Variants in CREBBP observed in about 807,000 individuals in gnomAD.
The protein encoded by CREBBP is CREB binding lysine acetyltransferase.
A neutral mutation model predicts 265.0 loss-of-function variants in CREBBP; 19 were observed. The ratio of observed to expected loss-of-function variants is 0.07; its 90% CI spans 0.05 to 0.11. The LOEUF (loss-of-function observed/expected upper bound fraction) is 0.11. Ranked by LOEUF, CREBBP falls within the 10% of genes least tolerant of loss-of-function variation. CREBBP has a pLI of 1.00. For missense variants in CREBBP, 2,525 were observed against 3,219.0 expected, an observed-to-expected ratio of 0.78 and a Z score of 5.22; for synonymous variants, 1,457 against 1,223.7, an observed-to-expected ratio of 1.19 and a Z score of -3.98.
chr16:3,773,780 G>T lies in CREBBP; in HGVS notation c.2434C>A (p.Gln812Lys). ...GACACGCCTGTTTGGGCTGGCGGCT[G>T]CCCCATGCCCACACTCATCGCCCCG... The part of the protein sequence containing the change: ...SSGAMSVGMG[Q>K]PPAQTGVSQG... Residue 812 changes from glutamine to lysine, a missense_variant, in exon 13 of 31, where the codon CAG becomes AAG. By Grantham distance (53) the Gln-to-Lys change is moderately conservative. Around this residue, in one of 19 missense-constraint regions of CREBBP, gnomAD observed 548 missense variants for 533.0 expected, o/e 1.03. Transcript: ENST00000262367. 6.2e-7 allele frequency: 1 copy of T among 1,613,760 alleles called. No individual in the cohort carries two copies.
intron 13 of CREBBP, 128 bp downstream of exon 13, chr16:3,773,623 T>C: frequency 1.0e-6 from 1 of 968,494 alleles, no homozygotes; most frequent in Non-Finnish European, 1.5e-6. Context: ...AAAGAGAAGC[T>C]GATACAAAGA....
chr16:3,747,458 G>A (rs1489363337), intron 21 of CREBBP, among the ~76,000 whole-genome samples: 1 of 152,104 alleles, frequency 6.6e-6, no homozygotes, highest in Non-Finnish European at 1.5e-5. Context: ...TCTTGTCCAG[G>A]AAACCAGGCG....
chr16:3,758,929 T>C lies in CREBBP; in HGVS notation c.3294A>G (p.Leu1098=), dbSNP rs2052646784. The change falls in exon 17 of 31, where the codon CTA becomes CTG. Residue 1098 remains leucine, a synonymous_variant. Coordinates refer to ENST00000262367, the MANE Select transcript of CREBBP (RefSeq NM_004380.3). ...EELRQALMPT[L]EALYRQDPES... ...CTGGGTCCTGTCGATACAGTGCTTC[T>C]AGGGTTGGCATGAGGGCCTGGCGTA... is the stretch of plus-strand genomic sequence containing the variant. 1 of 1,613,058 alleles carries C rather than the reference T, an allele frequency of 6.2e-7. No homozygotes were observed.
At chr16:3,763,387 T>TG (rs2052769202) in intron 16 of CREBBP, among the ~76,000 whole-genome samples, 2 of 151,414 alleles carry the variant, frequency 1.3e-5, no homozygotes, top group African/African-American at 4.9e-5. Flanking sequence ...TCTTGAACTC[T>TG]GGGCCTCAAG....
intron 13 of CREBBP, among the ~76,000 whole-genome samples, chr16:3,772,358 C>CACACACACGT (rs2053033910): frequency 6.6e-6 from 1 of 151,478 alleles, no homozygotes; most frequent in Non-Finnish European, 1.5e-5. Context: ...CACACACACA[C>CACACACACGT]ACACACACGT....
In CREBBP at chr16:3,781,292, T is replaced by C; in HGVS notation, c.1588A>G (p.Asn530Asp). The C allele has an allele frequency of 1.9e-6, 3 of 1,613,638 alleles. No homozygotes were observed. The highest frequency in any genetic ancestry group is 2.5e-6 in the Non-Finnish European group (3 of 1,179,608). The part of the protein sequence containing the change: ...TLNPLGNNPM[N>D]IPAGGITTDQ... ...GTTGTTATTCCTCCTGCTGGAATGT[T>C]CATTGGATTATTTCCTTTAAAGACA... The change falls in exon 7 of 31, where the codon AAC (asparagine) becomes GAC (aspartate). Residue 530 changes from asparagine (N) to aspartate (D), a missense_variant. By Grantham distance (23) the Asn-to-Asp change is conservative (BLOSUM62 1). This residue lies in a region of CREBBP where 144 missense variants were observed against 134.0 expected (regional missense o/e 1.07). Transcript: ENST00000262367.
At chr16:3,829,674 G>C (rs2054304218) in intron 2 of CREBBP, among the ~76,000 whole-genome samples, 1 of 152,184 alleles carries the variant, frequency 6.6e-6, no homozygotes, top group African/African-American at 2.4e-5. Context: ...GAATCAAACT[G>C]ATCTGAGTAA....
At chr16:3,873,539 G>C (rs960904669) in intron 1 of CREBBP, among the ~76,000 whole-genome samples, 1 of 152,200 alleles carries the variant, frequency 6.6e-6, no homozygotes, top group Admixed American at 6.5e-5. Context: ...CTCCCAGTAA[G>C]TCCTAGGACT....
At chr16:3,775,003 A>G (rs2053103052) in intron 11 of CREBBP, among the ~76,000 whole-genome samples, 1 of 152,192 alleles carries the variant, frequency 6.6e-6, no homozygotes, top group Non-Finnish European at 1.5e-5. Flanking sequence ...GGTAGAGCTG[A>G]GCCAGAGGGC....
rs752976676 is a variant in CREBBP, at chr16:3,736,640, C to T, written c.4560+10G>A. The T allele has an allele frequency of 8.1e-6, 13 of 1,614,240 alleles. No homozygotes were observed. The highest frequency in any genetic ancestry group is 2.2e-5 in the East Asian group (1 of 44,882). On this transcript the variant is annotated intron_variant, in intron 27 of 30. Transcript: ENST00000262367. ...GACAAAAGCCACCACCTTCCTTCAGCGCCGGGTACCTTGTAGTCATGGATG... is the reference window on the plus strand; with the variant it reads ...GACAAAAGCCACCACCTTCCTTCAGTGCCGGGTACCTTGTAGTCATGGATG...
intron 13 of CREBBP, 146 bp from the exon 14 acceptor site, chr16:3,771,132 G>A (rs1393068185): frequency 1.1e-5 from 9 of 839,866 alleles, no homozygotes; most frequent in Admixed American, 4.1e-5. Context: ...GCAATGGTGC[G>A]ATCTCGGCTC....
At chr16:3,773,975 C>A (rs780891494) in intron 12 of CREBBP, 45 bp from the exon 13 acceptor site, 1 of 1,604,646 alleles carries the variant, frequency 6.2e-7, no homozygotes, top group Admixed American at 1.7e-5. Context: ...CGGAAGCTGA[C>A]GGCCAGAGTT....
At chr16:3,847,054 A>G (rs2054682639) in intron 2 of CREBBP, among the ~76,000 whole-genome samples, 2 of 152,244 alleles carry the variant, frequency 1.3e-5, no homozygotes, top group Non-Finnish European at 2.9e-5. Flanking sequence ...ACTAGCAAAA[A>G]GTCAGAAACA....
intron 28 of CREBBP, among the ~76,000 whole-genome samples, chr16:3,733,974 A>T (rs997399851): frequency 6.6e-6 from 1 of 152,224 alleles, no homozygotes; most frequent in Non-Finnish European, 1.5e-5. Flanking sequence ...TATAAAATAA[A>T]TATGTTCATG....
rs1189788803 is a variant in CREBBP, at chr16:3,737,106, G to A, written c.4395-291C>T. 9 of 505,136 alleles carry A rather than the reference G, an allele frequency of 1.8e-5. 1 individual carries two copies. The East Asian group carries it at 3.3e-4, about 18-fold the overall frequency. 31.3% of individuals were successfully genotyped at this position (505,136 alleles called of 1,614,324 possible). A position where few individuals can be genotyped will look rare whatever the true frequency, so the allele number is the denominator to read the frequency against. On this transcript the variant is annotated intron_variant, in intron 26 of 30. Transcript: ENST00000262367. ...CATTAAAGAACCAGGGAATATGATG[G>A]CTCATCAAGGCAATGCCATCCCCTT...
intron 28 of CREBBP, 113 bp from the exon 29 acceptor site, chr16:3,732,050 C>T: frequency 6.3e-7 from 1 of 1,586,594 alleles, no homozygotes; most frequent in African/African-American, 1.3e-5. Context: ...TAGGTCACCA[C>T]CAGGCAGACC....
At chr16:3,813,578 A>C (rs1434280759) in intron 2 of CREBBP, among the ~76,000 whole-genome samples, 1 of 152,200 alleles carries the variant, frequency 6.6e-6, no homozygotes, top group Non-Finnish European at 1.5e-5. Flanking sequence ...GAATACAACA[A>C]CACGAACAAC....
At chr16:3,854,356 G>C (rs532665655) in intron 1 of CREBBP, among the ~76,000 whole-genome samples, 1 of 152,222 alleles carries the variant, frequency 6.6e-6, no homozygotes, top group Admixed American at 6.5e-5. Flanking sequence ...CAGGAGAGCA[G>C]ACACCACTTG....
At chr16:3,879,220 A>G (rs1031031435) in intron 1 of CREBBP, among the ~76,000 whole-genome samples, 1 of 98,310 alleles carries the variant, frequency 1.0e-5, no homozygotes, top group African/African-American at 3.8e-5. Context: ...AGTTGACTAA[A>G]AACACACACG....
Sources: allele counts gnomAD v4.1 joint callset (sites outside exome capture counted in the v4.1 genomes callset), GRCh38; gene constraint gnomAD v4.1.1; regional missense constraint gnomAD v4.1.1; transcripts MANE v1.5; gene names NCBI Gene and HGNC (gene_info 2026-07-23, HGNC 2026-07-21).